APOBEC1: variants seen among roughly 807,000 people sequenced by gnomAD.
APOBEC1 encodes C->U-editing enzyme APOBEC-1.
Under a neutral mutation model 26.3 loss-of-function variants are expected in APOBEC1, and 22 were observed. The ratio of observed to expected loss-of-function variants is 0.84; its 90% CI spans 0.60 to 1.19. The LOEUF is 1.19. Among genes scored for constraint, APOBEC1 ranks in the 50% most tolerant of loss-of-function variants. APOBEC1 has a pLI of 0.00. For synonymous variants in APOBEC1, 77 were observed against 95.3 expected (o/e 0.81, Z 1.12); for missense variants, 253 against 289.0 (o/e 0.88, Z 0.90).
upstream of APOBEC1, among the ~76,000 whole-genome samples, chr12:7,670,592 T>G (rs1207620885): frequency 7.2e-6 from 1 of 138,866 alleles, no homozygotes; most frequent in Admixed American, 7.3e-5. Context: ...CCACCTCTAC[T>G]AAAAATACAA....
upstream of APOBEC1, among the ~76,000 whole-genome samples, chr12:7,666,546 C>T (rs1387312911): frequency 4.6e-5 from 7 of 152,032 alleles, no homozygotes; most frequent in Non-Finnish European, 7.4e-5. Flanking sequence ...CCACCCGCCT[C>T]GTCCTCCCAA....
chr12:7,661,266 G>C (rs1863816102), intron 1 of APOBEC1, among the ~76,000 whole-genome samples: 1 of 151,162 alleles, frequency 6.6e-6, no homozygotes, highest in Admixed American at 6.6e-5. Flanking sequence ...AAAGGACTGA[G>C]GGAGGGAGAG....
At chr12:7,655,000 G>A (rs1451916244) in intron 1 of APOBEC1, among the ~76,000 whole-genome samples, 2 of 152,134 alleles carry the variant, frequency 1.3e-5, no homozygotes, top group African/African-American at 4.8e-5. Flanking sequence ...CCTGAGGTCA[G>A]GAGTTTGAGA....
intron 1 of APOBEC1, among the ~76,000 whole-genome samples, chr12:7,665,061 T>TA (rs1275090160): frequency 1.3e-5 from 2 of 152,126 alleles, no homozygotes; most frequent in South Asian, 2.1e-4. Context: ...CAAAATAAGA[T>TA]AAAAATTTTT....
In APOBEC1 at chr12:7,652,748, C is replaced by G; in HGVS notation, c.132G>C (p.Trp44Cys). 6.2e-7 allele frequency: 1 copy of G among 1,613,980 alleles called. No homozygotes were observed. Among genetic ancestry groups the G allele is most frequent in the Non-Finnish European group, 8.5e-7 (1 of 1,180,000 alleles). ...TTCGCCAGATCTTCCGGCTCATGCC[C>G]CACTTGATTTCGTAGAGCAGACAGG... is the stretch of plus-strand genomic sequence containing the variant. Reference protein sequence around the residue: ...KEACLLYEIKWGMSRKIWRSS... With the variant: ...KEACLLYEIKCGMSRKIWRSS... The change falls in exon 3 of 5, where the codon TGG (tryptophan) becomes TGC (cysteine). Residue 44 changes from tryptophan (W) to cysteine (C), a missense_variant. Trp to Cys is a radical substitution (Grantham distance 215, BLOSUM62 -2). Transcript: ENST00000229304.
At chr12:7,653,107 T>C (rs1863668951) in intron 2 of APOBEC1, among the ~76,000 whole-genome samples, 1 of 151,818 alleles carries the variant, frequency 6.6e-6, no homozygotes, top group Non-Finnish European at 1.5e-5. Context: ...TTTTTTTGTA[T>C]TTTTAGTAGA....
At chr12:7,659,551 A>G (rs1018999699) in intron 1 of APOBEC1, among the ~76,000 whole-genome samples, 3 of 151,852 alleles carry the variant, frequency 2.0e-5, no homozygotes, top group Non-Finnish European at 4.4e-5. Flanking sequence ...CACGCATGCA[A>G]AACACCAAAT....
chr12:7,666,792 G>A (rs1356902742), upstream of APOBEC1, among the ~76,000 whole-genome samples: 1 of 152,066 alleles, frequency 6.6e-6, no homozygotes, highest in East Asian at 1.9e-4. Flanking sequence ...GGGGAGGGGA[G>A]CTATTAGATA....
In APOBEC1 at chr12:7,652,561, G is replaced by A; in HGVS notation, c.319C>T (p.His107Tyr). The change falls in exon 3 of 5, where the codon CAC (histidine) becomes TAC (tyrosine). Residue 107 changes from histidine (H) to tyrosine (Y), a missense_variant. Physicochemically the swap from His to Tyr is moderately conservative, Grantham distance 83. Coordinates refer to ENST00000229304, the MANE Select transcript of APOBEC1 (RefSeq NM_001644.5). ...TAGATCACTAGAGTCACACCAGGGT[G>A]CCGACTCAGAAACTCTCTAATAGCC... ...SQAIREFLSRHPGVTLVIYVA... is the reference protein window; with the variant it reads ...SQAIREFLSRYPGVTLVIYVA... 1.2e-6 allele frequency: 2 copies of A among 1,614,240 alleles called. No homozygotes were observed. Among genetic ancestry groups the A allele is most frequent in the Non-Finnish European group, 1.7e-6 (2 of 1,180,052 alleles).
intron 1 of APOBEC1, among the ~76,000 whole-genome samples, chr12:7,660,853 T>C (rs903154346): frequency 8.6e-5 from 13 of 151,342 alleles, no homozygotes; most frequent in African/African-American, 3.2e-4. Flanking sequence ...AAATATTGCA[T>C]GTTCTCACTT....
intron 4 of APOBEC1, among the ~76,000 whole-genome samples, chr12:7,650,433 G>T (rs972964208): frequency 1.3e-5 from 2 of 152,068 alleles, no homozygotes; most frequent in East Asian, 3.9e-4. Flanking sequence ...AAAAGATAAT[G>T]ATAATAAAAT....
intron 1 of APOBEC1, among the ~76,000 whole-genome samples, chr12:7,663,985 T>C (rs1863858840): frequency 6.6e-6 from 1 of 152,030 alleles, no homozygotes; most frequent in Admixed American, 6.6e-5. Flanking sequence ...GCCTCCCAAG[T>C]AGCGGGATTA....
At chr12:7,661,680 G>A (rs1283388756) in intron 1 of APOBEC1, among the ~76,000 whole-genome samples, 5 of 152,140 alleles carry the variant, frequency 3.3e-5, no homozygotes, top group Admixed American at 2.0e-4. Context: ...GCTCCAACTG[G>A]AGCCAAGTGG....
chr12:7,659,895 G>C (rs1863779058), intron 1 of APOBEC1, among the ~76,000 whole-genome samples: 1 of 152,094 alleles, frequency 6.6e-6, no homozygotes, highest in Admixed American at 6.5e-5. Context: ...CGTGAACCTG[G>C]AAGGCAGAGC....
upstream of APOBEC1, among the ~76,000 whole-genome samples, chr12:7,668,822 G>A (rs950217963): frequency 3.3e-5 from 5 of 151,996 alleles, no homozygotes; most frequent in Admixed American, 6.6e-5. Context: ...TCAGCCCCCC[G>A]GGTTCAAGCC....
intron 2 of APOBEC1, among the ~76,000 whole-genome samples, chr12:7,653,488 CCTT>C (rs1256442871): frequency 4.3e-5 from 5 of 115,948 alleles, no homozygotes; most frequent in Non-Finnish European, 6.9e-5. Context: ...ATATTCTAAC[CCTT>C]TTTTTTTTTT....
Position 7,652,501 on chromosome 12 carries a change from T to C in APOBEC1, c.379A>G (p.Asn127Asp). The change falls in exon 3 of 5, where the codon AAT becomes GAT. Residue 127 changes from asparagine (N) to aspartate (D), a missense_variant. Coordinates refer to ENST00000229304, the MANE Select transcript of APOBEC1 (RefSeq NM_001644.5). The part of the protein sequence containing the change: ...ARLFWHMDQQ[N>D]RQGLRDLVNS... ...ACAAGGTCCCTGAGACCTTGCCGAT[T>C]TTGTTGATCCATGTGCCAAAAAAGC... is the stretch of plus-strand genomic sequence containing the variant. The C allele has an allele frequency of 6.2e-7, 1 of 1,614,104 alleles. No homozygotes were observed. Among genetic ancestry groups the C allele is most frequent in the Non-Finnish European group, 8.5e-7 (1 of 1,180,016 alleles).
intron 1 of APOBEC1, among the ~76,000 whole-genome samples, chr12:7,659,235 A>G (rs34998188): frequency 0.87 from 115,068 of 133,008 alleles, 50,872 homozygotes; most frequent in Non-Finnish European, 0.97. Context: ...TGGAGGTTGT[A>G]GTGAGCCGAG....
At chr12:7,657,870 T>C (rs1863737985) in intron 1 of APOBEC1, among the ~76,000 whole-genome samples, 7 of 151,790 alleles carry the variant, frequency 4.6e-5, no homozygotes, top group Admixed American at 4.6e-4. Flanking sequence ...AGACAGACCC[T>C]GTCTCAAAAA....
Sources: gnomAD v4.1 joint callset for allele counts (sites outside exome capture counted in the v4.1 genomes callset) on GRCh38, gnomAD v4.1.1 for gene constraint, MANE v1.5 for transcripts, NCBI Gene and HGNC (gene_info 2026-07-23, HGNC 2026-07-21) for gene names.